Variants in SORCS1 observed in about 807,000 individuals in gnomAD.
The protein encoded by SORCS1 is sortilin related VPS10 domain containing receptor 1, also known as VPS10 domain-containing receptor SorCS1.
In SORCS1, 60 loss-of-function variants were observed where a neutral mutation model predicts 146.1. That is an observed-to-expected ratio of 0.41 (90% CI 0.33 to 0.51). SORCS1 has a LOEUF of 0.51. Ranked by LOEUF, SORCS1 falls within the 20% of genes least tolerant of loss-of-function variation. SORCS1 has a pLI of 0.21. For missense variants in SORCS1, 1,352 were observed against 1,487.6 expected, an observed-to-expected ratio of 0.91 and a Z score of 1.50; for synonymous variants, 637 against 584.0, an observed-to-expected ratio of 1.09 and a Z score of -1.31.
chr10:107,175,865 C>T, the SORCS1 span, among the ~76,000 whole-genome samples: 22 of 152,118 alleles, frequency 1.4e-4, no homozygotes, highest in African/African-American at 5.3e-4. Context: ...ATTTTGCTAT[C>T]TGTTAGATCT....
chr10:106,928,205 G>T (rs914664297), intron 2 of SORCS1, among the ~76,000 whole-genome samples: 3 of 152,230 alleles, frequency 2.0e-5, no homozygotes, highest in Admixed American at 6.5e-5. Flanking sequence ...CACGAAGGCG[G>T]GGAGGCTCAG....
chr10:107,012,131 A>G (rs1348550857), intron 1 of SORCS1, among the ~76,000 whole-genome samples: 2 of 152,182 alleles, frequency 1.3e-5, no homozygotes, highest in African/African-American at 4.8e-5. Flanking sequence ...GACCTTGTCT[A>G]AGACTGAAAC....
intron 1 of SORCS1, among the ~76,000 whole-genome samples, chr10:107,100,275 A>C (rs1964824331): frequency 6.6e-6 from 1 of 152,188 alleles, no homozygotes; most frequent in Admixed American, 6.5e-5. Flanking sequence ...GCACTTTGGG[A>C]GGTCGAGGTG....
chr10:107,165,080 G>A (rs1220919420), upstream of SORCS1, among the ~76,000 whole-genome samples: 1 of 152,066 alleles, frequency 6.6e-6, no homozygotes, highest in African/African-American at 2.4e-5. This position sits in a 1 kb window ranked among gnomAD's most constrained non-coding sequence, Gnocchi z 4.0. Flanking sequence ...TTGTTTCTAT[G>A]AGTCTATGTT....
At chr10:106,611,440 T>C (rs1020864801) in intron 22 of SORCS1, among the ~76,000 whole-genome samples, 6 of 152,202 alleles carry the variant, frequency 3.9e-5, no homozygotes, top group Non-Finnish European at 8.8e-5. Context: ...AACCATCATA[T>C]ACTGAATGCT....
chr10:107,050,503 G>C (rs939843393), intron 1 of SORCS1, among the ~76,000 whole-genome samples: 1 of 152,158 alleles, frequency 6.6e-6, no homozygotes, highest in Non-Finnish European at 1.5e-5. Context: ...ACCCCAGTGA[G>C]AATAATGGCA....
At chr10:106,861,805 C>G (rs1184435516) in intron 2 of SORCS1, among the ~76,000 whole-genome samples, 1 of 152,168 alleles carries the variant, frequency 6.6e-6, no homozygotes, top group Non-Finnish European at 1.5e-5. Flanking sequence ...AGGAGAATCA[C>G]TTGAACCTGG....
chr10:106,751,916 T>C (rs1028124035), intron 5 of SORCS1, among the ~76,000 whole-genome samples: 4 of 152,164 alleles, frequency 2.6e-5, no homozygotes, highest in African/African-American at 7.2e-5. Context: ...GCCTTGAACC[T>C]TAAAAAACTT....
intron 7 of SORCS1, among the ~76,000 whole-genome samples, chr10:106,708,463 T>C (rs1283717094): frequency 1.3e-5 from 2 of 152,204 alleles, no homozygotes; most frequent in Admixed American, 1.3e-4. Flanking sequence ...TATTTAGTAA[T>C]TGTACCTTTG....
At chr10:107,121,411 C>A (rs1326228482) in intron 1 of SORCS1, among the ~76,000 whole-genome samples, 2 of 152,166 alleles carry the variant, frequency 1.3e-5, no homozygotes, top group Admixed American at 1.3e-4. Flanking sequence ...TGCTCTCAAT[C>A]AAAGACTTGG....
At chr10:106,844,344 G>A (rs1949211219) in intron 2 of SORCS1, among the ~76,000 whole-genome samples, 1 of 151,952 alleles carries the variant, frequency 6.6e-6, no homozygotes, top group Non-Finnish European at 1.5e-5. Flanking sequence ...TGCTTTTGGT[G>A]TCTGTGCTTT....
intron 3 of SORCS1, among the ~76,000 whole-genome samples, chr10:106,795,822 G>A (rs914269436): frequency 3.9e-5 from 6 of 152,184 alleles, no homozygotes; most frequent in Admixed American, 1.3e-4. Context: ...GCAGTGTGCC[G>A]TGGAATGAGA....
At chr10:107,045,028 C>T (rs996306497) in intron 1 of SORCS1, among the ~76,000 whole-genome samples, 5 of 151,958 alleles carry the variant, frequency 3.3e-5, no homozygotes, top group African/African-American at 7.2e-5. Context: ...GAGAAGGATG[C>T]GCATTTGAGT....
At chr10:106,631,730 G>C (rs1271201703) in intron 18 of SORCS1, among the ~76,000 whole-genome samples, 2 of 152,186 alleles carry the variant, frequency 1.3e-5, no homozygotes, top group African/African-American at 2.4e-5. Flanking sequence ...CCTCCATTGA[G>C]AGACAGCAGA....
intron 2 of SORCS1, among the ~76,000 whole-genome samples, chr10:106,894,275 G>A (rs1297355409): frequency 2.2e-5 from 1 of 46,138 alleles, no homozygotes; most frequent in Admixed American, 1.9e-4. Flanking sequence ...GTGTGCGTGT[G>A]TGTGTGTGTG....
At chr10:106,824,939 TAAAG>T (rs141037093) in intron 3 of SORCS1, among the ~76,000 whole-genome samples, 1,544 of 152,262 alleles carry the variant, frequency 0.01, 27 homozygotes, top group African/African-American at 0.036. Flanking sequence ...GCAGAAAACA[TAAAG>T]AACAAATACT....
chr10:106,958,931 C>A (rs1462193878), intron 1 of SORCS1, among the ~76,000 whole-genome samples: 2 of 152,110 alleles, frequency 1.3e-5, no homozygotes, highest in Non-Finnish European at 2.9e-5. Context: ...CTATAAATCC[C>A]CCACCAAGAA....
intron 1 of SORCS1, among the ~76,000 whole-genome samples, chr10:107,004,406 A>C (rs1957354295): frequency 6.6e-6 from 1 of 152,148 alleles, no homozygotes; most frequent in African/African-American, 2.4e-5. Flanking sequence ...ATGGTGGAGG[A>C]GGCCTAGCAA....
At chr10:106,883,837 A>T (rs1204227546) in intron 2 of SORCS1, among the ~76,000 whole-genome samples, 1 of 152,210 alleles carries the variant, frequency 6.6e-6, no homozygotes, top group Non-Finnish European at 1.5e-5. Context: ...TTGCACAGGT[A>T]AGTTGACCTT....
Sources: gnomAD v4.1 joint callset for allele counts (sites outside exome capture counted in the v4.1 genomes callset) on GRCh38, gnomAD v4.1.1 for gene constraint, Gnocchi (gnomAD v3.1) non-coding constraint, MANE v1.5 for transcripts, NCBI Gene and HGNC (gene_info 2026-07-23, HGNC 2026-07-21) for gene names.